The following LGSN variants were observed in gnomAD, a reference collection of about 807,000 sequenced individuals.
LGSN encodes lengsin.
A neutral mutation model predicts 19.5 loss-of-function variants in LGSN; 21 were observed. That is an observed-to-expected ratio of 1.07 (90% CI 0.76 to 1.55). The LOEUF (loss-of-function observed/expected upper bound fraction) is 1.55, where lower values mean the gene tolerates loss of function less well. Ranked by LOEUF, LGSN falls within the 40% of genes most tolerant of loss-of-function variation. The probability of loss-of-function intolerance (pLI) is 0.00; values close to 1 mark genes in which losing one functional copy is unlikely to be tolerated. For synonymous variants in LGSN, 257 were observed against 215.6 expected (o/e 1.19, Z -1.68); for missense variants, 673 against 608.5 (o/e 1.11, Z -1.12).
chr6:63,495,533 T>G, the LGSN span, among the ~76,000 whole-genome samples: 1 of 141,302 alleles, frequency 7.1e-6, no homozygotes, highest in African/African-American at 2.6e-5. Context: ...ATCTCAGCGC[T>G]CTGCCTCCCT....
At chr6:63,506,747 T>A in the LGSN span, among the ~76,000 whole-genome samples, 1 of 152,130 alleles carries the variant, frequency 6.6e-6, no homozygotes, top group African/African-American at 2.4e-5. Context: ...CTTCCCAAAA[T>A]AAGAAAAATG....
At chr6:63,553,874 T>C in the LGSN span, among the ~76,000 whole-genome samples, 2 of 152,148 alleles carry the variant, frequency 1.3e-5, no homozygotes, top group Admixed American at 1.3e-4. Context: ...TTGAGTCAGG[T>C]TATTCAAAAG....
At chr6:63,361,132 A>G in the LGSN span, among the ~76,000 whole-genome samples, 3 of 152,306 alleles carry the variant, frequency 2.0e-5, no homozygotes, top group East Asian at 1.9e-4. Context: ...CAGTCTGTCC[A>G]TTCTCAGATC....
the LGSN span, among the ~76,000 whole-genome samples, chr6:63,326,446 C>A: frequency 6.6e-6 from 1 of 152,240 alleles, no homozygotes; most frequent in African/African-American, 2.4e-5. Context: ...GTGCCATGCA[C>A]CTGCACTCCT....
chr6:63,349,734 T>TA, the LGSN span, among the ~76,000 whole-genome samples: 1 of 152,140 alleles, frequency 6.6e-6, no homozygotes. Flanking sequence ...AGTCTTACAA[T>TA]AAAAAGGGCT....
At chr6:63,572,261 C>G in the LGSN span, 10 of 180,142 alleles carry the variant, frequency 5.6e-5, no homozygotes, top group Non-Finnish European at 1.0e-4. Flanking sequence ...GCACTCCCGG[C>G]AGCCCCTTCC....
chr6:63,332,076 A>G, the LGSN span, among the ~76,000 whole-genome samples: 3 of 152,130 alleles, frequency 2.0e-5, no homozygotes, highest in Admixed American at 6.5e-5. Context: ...GGCTCCCCAT[A>G]TCCTAGCTTC....
At chr6:63,465,300 C>G in the LGSN span, among the ~76,000 whole-genome samples, 1 of 152,090 alleles carries the variant, frequency 6.6e-6, no homozygotes, top group African/African-American at 2.4e-5. Context: ...CCTGTCTCAG[C>G]CTCCTCGGTA....
chr6:63,339,037 A>C, the LGSN span, among the ~76,000 whole-genome samples: 449 of 152,228 alleles, frequency 2.9e-3, 3 homozygotes, highest in African/African-American at 0.01. Context: ...TCTGAGTAGC[A>C]ACTTGATATG....
the LGSN span, chr6:63,481,909 T>C: frequency 4.9e-6 from 1 of 203,722 alleles, no homozygotes; most frequent in Non-Finnish European, 1.1e-5. Flanking sequence ...TGCACTTAAA[T>C]AAAAGCTTGA....
In LGSN at chr6:63,295,036, T is replaced by A. The variant is rs1468565669; in HGVS notation, c.40A>T (p.Arg14Ter). Residue 14 changes from arginine (R) to a stop codon, truncating the protein, a stop_gained, in exon 2 of 4, where the codon AGA becomes TGA. Transcript: ENST00000370657. LOFTEE classifies it high-confidence loss of function. Reference protein sequence around the residue: ...EEDLLQEDSTRDEGNETEANS... With the variant: ...EEDLLQEDST ...GCTTCAGTCTCATTGCCTTCATCTC[T>A]TGTTGAGTCCTGTTGATAATTAATA... 3 of 1,612,758 alleles carry A rather than the reference T, an allele frequency of 1.9e-6. No homozygotes were observed. The highest frequency in any genetic ancestry group is 2.5e-6 in the Non-Finnish European group (3 of 1,178,972).
At chr6:63,372,470 T>A in the LGSN span, among the ~76,000 whole-genome samples, 2 of 152,164 alleles carry the variant, frequency 1.3e-5, no homozygotes, top group Admixed American at 1.3e-4. Flanking sequence ...TGTGTCCCTA[T>A]GTGTGGAGGA....
At chr6:63,351,373 C>G in the LGSN span, among the ~76,000 whole-genome samples, 585 of 151,050 alleles carry the variant, frequency 3.9e-3, 1 homozygote, top group African/African-American at 0.012. Flanking sequence ...ATAAATATCT[C>G]TGTGTGTGTG....
At chr6:63,534,054 G>C in the LGSN span, among the ~76,000 whole-genome samples, 1 of 151,916 alleles carries the variant, frequency 6.6e-6, no homozygotes, top group African/African-American at 2.4e-5. Context: ...ATTTTGGCAG[G>C]CTAGTCTAGA....
At chr6:63,564,275 CAAA>C in the LGSN span, among the ~76,000 whole-genome samples, 6 of 95,620 alleles carry the variant, frequency 6.3e-5, no homozygotes, top group Admixed American at 1.2e-4. Context: ...GACTCTGTCT[CAAA>C]AAAAAAAAAA....
chr6:63,461,555 T>C, the LGSN span, among the ~76,000 whole-genome samples: 1 of 152,206 alleles, frequency 6.6e-6, no homozygotes, highest in Non-Finnish European at 1.5e-5. Flanking sequence ...CTTTCTTGTT[T>C]CCAGAATGTG....
the LGSN span, among the ~76,000 whole-genome samples, chr6:63,421,385 A>G: frequency 1.3e-4 from 20 of 151,578 alleles, no homozygotes; most frequent in African/African-American, 4.4e-4. Context: ...TCATCATGCC[A>G]CTGCACTCCA....
intron 1 of LGSN, among the ~76,000 whole-genome samples, chr6:63,308,597 C>A (rs1768491765): frequency 6.7e-6 from 1 of 149,904 alleles, no homozygotes. Flanking sequence ...CTAACAGTTA[C>A]CTTTTTAATG....
the LGSN span, among the ~76,000 whole-genome samples, chr6:63,442,972 G>T: frequency 6.6e-6 from 1 of 152,240 alleles, no homozygotes; most frequent in South Asian, 2.1e-4. Flanking sequence ...AACCCTTGGC[G>T]ATGGGACCAG....
Sources: allele counts gnomAD v4.1 joint callset (sites outside exome capture counted in the v4.1 genomes callset), GRCh38; gene constraint gnomAD v4.1.1; transcripts MANE v1.5; gene names NCBI Gene and HGNC (gene_info 2026-07-23, HGNC 2026-07-21).